TMEM131L: variants seen among roughly 807,000 people sequenced by gnomAD.
TMEM131L encodes transmembrane 131 like, also known as transmembrane protein 131-like.
Under a neutral mutation model 192.2 loss-of-function variants are expected in TMEM131L, and 54 were observed. The ratio of observed to expected loss-of-function variants is 0.28; its 90% confidence interval spans 0.23 to 0.35. The LOEUF is 0.35. Among genes scored for constraint, TMEM131L ranks in the 10% least tolerant of loss-of-function variants. The probability of loss-of-function intolerance (pLI) is 1.00; values close to 1 mark genes in which losing one functional copy is unlikely to be tolerated. For synonymous variants in TMEM131L, 701 were observed against 704.9 expected (o/e 0.99, Z 0.09); for missense variants, 1,888 against 1,972.9 (o/e 0.96, Z 0.82).
At chr4:153,549,454 T>C (rs1737441333) in intron 3 of TMEM131L, among the ~76,000 whole-genome samples, 1 of 152,254 alleles carries the variant, frequency 6.6e-6, no homozygotes, top group South Asian at 2.1e-4. Flanking sequence ...TTATATGTCA[T>C]GTATCTTTAT....
intron 26 of TMEM131L, among the ~76,000 whole-genome samples, chr4:153,619,195 A>G (rs1258833159): frequency 2.0e-5 from 3 of 152,264 alleles, no homozygotes; most frequent in African/African-American, 2.4e-5. Context: ...GACCCCACTG[A>G]GAGACTGATT....
At chr4:153,549,219 G>A (rs1451827636) in intron 3 of TMEM131L, among the ~76,000 whole-genome samples, 1 of 152,040 alleles carries the variant, frequency 6.6e-6, no homozygotes, top group Admixed American at 6.6e-5. Flanking sequence ...TGCCTGCCTT[G>A]GCCTCTCAAA....
chr4:153,569,447 T>A (rs1221448362), intron 7 of TMEM131L, among the ~76,000 whole-genome samples: 1 of 152,236 alleles, frequency 6.6e-6, no homozygotes, highest in Non-Finnish European at 1.5e-5. Context: ...AAAGTTCACA[T>A]CTTCCTCTGT....
chr4:153,599,358 T>C (rs1029894751), intron 21 of TMEM131L, among the ~76,000 whole-genome samples: 1 of 151,940 alleles, frequency 6.6e-6, no homozygotes, highest in African/African-American at 2.4e-5. Context: ...ACCTCCAACA[T>C]TGGGGATTAG....
At chr4:153,598,262 G>A (rs770604659) in intron 20 of TMEM131L, among the ~76,000 whole-genome samples, 10 of 150,610 alleles carry the variant, frequency 6.6e-5, no homozygotes, top group Admixed American at 1.3e-4. Flanking sequence ...TTTCTTGAAT[G>A]TCTGATCACT....
chr4:153,553,183 T>G (rs1440611168), intron 4 of TMEM131L, among the ~76,000 whole-genome samples: 1 of 152,218 alleles, frequency 6.6e-6, no homozygotes, highest in Non-Finnish European at 1.5e-5. Context: ...TCCCAAAGTG[T>G]AATCATGTCC....
chr4:153,590,382 G>A (rs1279896489), intron 16 of TMEM131L, among the ~76,000 whole-genome samples: 1 of 152,232 alleles, frequency 6.6e-6, no homozygotes, highest in African/African-American at 2.4e-5. Flanking sequence ...TCATCAGGAA[G>A]TACGTAAATG....
intron 3 of TMEM131L, among the ~76,000 whole-genome samples, chr4:153,482,097 G>C (rs549045668): frequency 2.6e-4 from 39 of 152,256 alleles, no homozygotes; most frequent in African/African-American, 9.4e-4. Context: ...GCCTGCCTCG[G>C]CCTCCCAAAG....
Position 153,554,259 on chromosome 4 carries a change from T to C in TMEM131L, c.309-1528T>C, listed in dbSNP as rs553017024. ...AAGGCTTTTCTGAAGTGACCCTTTA[T>C]GTGTATGGTAGTGTTGAACATTTTT... On this transcript the variant is annotated intron_variant, in intron 4 of 34. Coordinates refer to ENST00000409959, the MANE Select transcript of TMEM131L (RefSeq NM_001131007.2). 6.6e-5 allele frequency: 10 copies of C among 152,376 alleles called. No individual in the cohort carries two copies. In the South Asian group the frequency reaches 2.1e-3, roughly 32 times the overall value. The allele number at this position is 152,376 out of a possible 1,614,324, so 9.4% of individuals were successfully genotyped here.
At chr4:153,512,663 G>A (rs1734434787) in intron 3 of TMEM131L, among the ~76,000 whole-genome samples, 1 of 152,140 alleles carries the variant, frequency 6.6e-6, no homozygotes, top group Admixed American at 6.5e-5. Context: ...CGCCAGGCTG[G>A]AATGCAGTGG....
chr4:153,620,896 T>G lies in TMEM131L; in HGVS notation c.3692+16T>G, dbSNP rs747032251. The G allele has an allele frequency of 6.4e-7, 1 of 1,564,464 alleles. No individual in the cohort carries two copies. The highest frequency in any genetic ancestry group is 8.6e-7 in the Non-Finnish European group (1 of 1,162,090). ...CAGTCTCAAGGTGCGTAATTCTTAC[T>G]ATCTCTAATATTTTGATCTATTTTT... On this transcript the variant is annotated intron_variant, in intron 27 of 34. Transcript: ENST00000409959.
rs568810751 is a variant in TMEM131L, at chr4:153,471,709, C to T, written c.196-2136C>T. 1.9e-4 allele frequency among the ~76,000 whole-genome samples: 29 copies of T among 152,280 alleles called. No individual in the cohort carries two copies. The East Asian group carries it at 2.5e-3, about 13-fold the overall frequency. On this transcript the variant is annotated intron_variant, in intron 2 of 34. Coordinates refer to ENST00000409959, the MANE Select transcript of TMEM131L (RefSeq NM_001131007.2). ...GGGACAGGTGCTGAGTAGGAGCAGC[C>T]GTTACCTGATACAGAATCATGTTGG...
chr4:153,619,029 C>T (rs539344324), intron 26 of TMEM131L, among the ~76,000 whole-genome samples: 10 of 152,268 alleles, frequency 6.6e-5, no homozygotes, highest in East Asian at 1.9e-4. Context: ...GTCATACTCA[C>T]GGAGAACTCT....
At chr4:153,632,472 A>T (rs1578912155) in intron 31 of TMEM131L, 2 of 475,450 alleles carry the variant, frequency 4.2e-6, no homozygotes, top group African/African-American at 3.9e-5. Flanking sequence ...TAGTTCCTCA[A>T]ATATTTGTTA....
At chr4:153,569,497 C>G (rs1392712614) in intron 7 of TMEM131L, among the ~76,000 whole-genome samples, 1 of 152,208 alleles carries the variant, frequency 6.6e-6, no homozygotes, top group Non-Finnish European at 1.5e-5. Flanking sequence ...ATATCCGGTA[C>G]AGTTTATCAG....
At chr4:153,578,811 T>C (rs1292089119) in intron 7 of TMEM131L, among the ~76,000 whole-genome samples, 2 of 150,864 alleles carry the variant, frequency 1.3e-5, no homozygotes, top group Non-Finnish European at 3.0e-5. Flanking sequence ...TGAGCCACAA[T>C]GCCTGGCCAT....
At chr4:153,558,625 A>G (rs1159694426) in intron 7 of TMEM131L, 3 of 236,198 alleles carry the variant, frequency 1.3e-5, no homozygotes, top group African/African-American at 2.3e-5. Flanking sequence ...CCGTTAGGCC[A>G]TATACCTATT....
At chr4:153,591,953 G>A (rs1030993617) in intron 17 of TMEM131L, among the ~76,000 whole-genome samples, 2 of 151,974 alleles carry the variant, frequency 1.3e-5, no homozygotes, top group Non-Finnish European at 2.9e-5. Flanking sequence ...TTCTCTTTCT[G>A]CATACATGTA....
chr4:153,466,491 T>C lies in TMEM131L; in HGVS notation c.94T>C (p.Cys32Arg). The change falls in exon 1 of 35, where the codon TGC becomes CGC. Residue 32 changes from cysteine to arginine, a missense_variant. Transcript: ENST00000409959. ...LLGVFQVLLP[C>R]CRPGGAQGQA... The stretch of plus-strand genomic sequence containing the variant: ...GGGCGTCTTCCAGGTCCTGCTGCCC[T>C]GCTGTCGCCCGGGAGGGGCTCAGGG... 2 of 1,410,294 alleles carry C rather than the reference T, an allele frequency of 1.4e-6. No individual in the cohort carries two copies. The highest frequency in any genetic ancestry group is 1.5e-5 in the South Asian group (1 of 66,384). 87.4% of individuals were successfully genotyped at this position (1,410,294 alleles called of 1,614,324 possible).
Sources: allele counts gnomAD v4.1 joint callset (sites outside exome capture counted in the v4.1 genomes callset), GRCh38; gene constraint gnomAD v4.1.1; transcripts MANE v1.5; gene names NCBI Gene and HGNC (gene_info 2026-07-23, HGNC 2026-07-21).